RPUSD3: variants seen among roughly 807,000 people sequenced by gnomAD.
RPUSD3 encodes the protein RNA pseudouridine synthase D3, also known as mitochondrial mRNA pseudouridine synthase RPUSD3.
Under a neutral mutation model 35.1 loss-of-function variants are expected in RPUSD3, and 36 were observed. That is an observed-to-expected ratio of 1.02 (90% confidence interval 0.79 to 1.35). The LOEUF is 1.35. Among genes scored for constraint, RPUSD3 ranks in the 40% most tolerant of loss-of-function variants. The pLI is 0.00. For missense variants in RPUSD3, 486 were observed against 441.9 expected (o/e 1.10, Z -0.89); for synonymous variants, 202 against 187.8 (o/e 1.08, Z -0.62).
intron 7 of RPUSD3, 92 bp downstream of exon 7, chr3:9,840,092 G>T (rs2082080779): frequency 9.3e-6 from 14 of 1,501,160 alleles, no homozygotes; most frequent in Admixed American, 2.2e-5. Context: ...ATCTTGGCCA[G>T]ACTGGTCTTG....
In RPUSD3 at chr3:9,840,269, C is replaced by T. The variant is rs116550290; in HGVS notation, c.639G>A (p.Leu213=). 3.4e-3 allele frequency: 5,529 copies of T among 1,614,150 alleles called. 179 individuals are homozygous for T. The African/African-American group carries it at 0.065, about 19-fold the overall frequency. The change falls in exon 7 of 9, where the codon CTG becomes CTA. Residue 213 remains leucine (L), a synonymous_variant. Coordinates refer to ENST00000383820, the Ensembl canonical transcript of RPUSD3. ...GACTGAGAGTCTTCTTGACACCTTCCAGGATGTCCTTTCGGGATGGGGCCT... is the reference window on the plus strand; with the variant it reads ...GACTGAGAGTCTTCTTGACACCTTCTAGGATGTCCTTTCGGGATGGGGCCT...
At position 9,843,973 on chromosome 3, in the gene RPUSD3, AAC is replaced by A; in HGVS notation, c.40_41del (p.Val14PhefsTer63). On this transcript the variant is annotated frameshift_variant, in exon 1 of 9. Transcript: ENST00000383820. LOFTEE classifies it high-confidence loss of function. ...GCCAGCCACTCCAGAACCGGCCCAA[AAC>A]ACGGCGGCCGTCCATCTCCCGAGCC... The A allele has an allele frequency of 6.2e-7, 1 of 1,605,696 alleles. No individual in the cohort carries two copies. Among genetic ancestry groups the A allele is most frequent in the Non-Finnish European group, 8.5e-7 (1 of 1,177,994 alleles).
At chr3:9,839,867 C>T (rs562265452) in intron 7 of RPUSD3, 58 of 222,366 alleles carry the variant, frequency 2.6e-4, no homozygotes, top group South Asian at 1.1e-3. Context: ...CGTGAGCCAC[C>T]GCGCCTGGCT....
exon 1 of RPUSD3, chr3:9,843,965 C>T: frequency 6.2e-7 from 1 of 1,608,286 alleles, no homozygotes; most frequent in South Asian, 1.1e-5. Context: ...ACTCCAGAAC[C>T]GGCCCAAAAC....
chr3:9,842,780 G>A (rs2125026568), intron 2 of RPUSD3: 1 of 158,048 alleles, frequency 6.3e-6, no homozygotes. Context: ...ATAGAGAGTG[G>A]GGTTCAGAGA....
chr3:9,841,999 C>T, exon 4 of RPUSD3: 1 of 1,614,038 alleles, frequency 6.2e-7, no homozygotes, highest in Non-Finnish European at 8.5e-7. Context: ...GATGCTCGGA[C>T]AACCTGAAGC....
At chr3:9,838,007 G>C in exon 9 of RPUSD3, 1 of 1,553,716 alleles carries the variant, frequency 6.4e-7, no homozygotes, top group South Asian at 1.2e-5. Flanking sequence ...GTCAGGAACA[G>C]AGGGAGGACT....
intron 7 of RPUSD3, chr3:9,839,882 T>C: frequency 4.3e-6 from 1 of 235,206 alleles, no homozygotes; most frequent in South Asian, 6.2e-5. Context: ...CTGGCTCAAG[T>C]GCAGTTTTTT....
chr3:9,843,089 A>T, intron 2 of RPUSD3: 1 of 189,014 alleles, frequency 5.3e-6, no homozygotes, highest in Non-Finnish European at 1.1e-5. Context: ...ACGGGGTTTC[A>T]CCATGTTGGC....
At chr3:9,843,983 C>T (rs1034284109) in exon 1 of RPUSD3, 3 of 1,599,706 alleles carry the variant, frequency 1.9e-6, no homozygotes, top group African/African-American at 2.7e-5. Context: ...AACACGGCGG[C>T]CGTCCATCTC....
intron 4 of RPUSD3, chr3:9,841,274 A>AT (rs1379900085): frequency 6.5e-6 from 1 of 153,704 alleles, no homozygotes; most frequent in Non-Finnish European, 1.4e-5. Context: ...TATTTTCTCT[A>AT]TTTTACCATT....
intron 2 of RPUSD3, chr3:9,843,080 CG>C (rs1369864017): frequency 7.1e-5 from 13 of 182,304 alleles, no homozygotes; most frequent in Admixed American, 6.6e-4. Flanking sequence ...TTAGTAGAGA[CG>C]GGGTTTCACC....
At position 9,839,072 on chromosome 3, in the gene RPUSD3, C is replaced by T. The variant is rs748220786; in HGVS notation, c.824G>A (p.Arg275Gln). 17 of 1,614,074 alleles carry T rather than the reference C, an allele frequency of 1.1e-5. No homozygotes were observed. The highest frequency in any genetic ancestry group is 6.7e-5 in the African/African-American group (5 of 74,922). The stretch of plus-strand genomic sequence containing the variant: ...GTTGTTCTCAGCTGGCAGCAGAAAT[C>T]GCTGGCCCAGGACAGTGCCCACACG... The change falls in exon 8 of 9, where the codon CGA (arginine) becomes CAA (glutamine). Residue 275 changes from arginine to glutamine, a missense_variant. Arg to Gln is a conservative substitution (Grantham distance 43, BLOSUM62 1). Coordinates refer to ENST00000383820, the Ensembl canonical transcript of RPUSD3.
At chr3:9,841,953 T>G in intron 4 of RPUSD3, 30 bp downstream of exon 4, 1 of 1,584,548 alleles carries the variant, frequency 6.3e-7, no homozygotes, top group Non-Finnish European at 8.7e-7. Context: ...ATGCCTGTAC[T>G]CCTAGCTTCC....
At chr3:9,840,197 C>T (rs749438332) in exon 7 of RPUSD3, 3 of 1,612,636 alleles carry the variant, frequency 1.9e-6, no homozygotes, top group Non-Finnish European at 2.5e-6. Flanking sequence ...TCAGTGGCTG[C>T]AGCTGGACCA....
At chr3:9,839,277 G>T in intron 7 of RPUSD3, 106 bp from the exon 8 acceptor site, 3 of 1,356,424 alleles carry the variant, frequency 2.2e-6, no homozygotes, top group East Asian at 2.4e-5. Context: ...CCCTTTCTCA[G>T]ATCATATGTT....
At chr3:9,843,190 T>G in intron 2 of RPUSD3, 1 of 455,136 alleles carries the variant, frequency 2.2e-6, no homozygotes, top group Non-Finnish European at 3.9e-6. Context: ...CCGCGGCCAA[T>G]AAACAATAAT....
chr3:9,840,233 C>T (rs765885174), exon 7 of RPUSD3: 2 of 1,613,952 alleles, frequency 1.2e-6, no homozygotes, highest in Non-Finnish European at 1.7e-6. Context: ...CTGTGGCTAC[C>T]ACACGAAAGT....
chr3:9,839,281 A>C (rs115016666), intron 7 of RPUSD3, 110 bp from the exon 8 acceptor site: 8 of 1,335,222 alleles, frequency 6.0e-6, no homozygotes, highest in Non-Finnish European at 7.2e-6. Flanking sequence ...TTCTCAGATC[A>C]TATGTTTCAG....
Sources: gnomAD v4.1 joint callset for allele counts on GRCh38, gnomAD v4.1.1 for gene constraint, MANE v1.5 for transcripts, NCBI Gene and HGNC (gene_info 2026-07-23, HGNC 2026-07-21) for gene names.